Variants in USH2A observed in about 807,000 individuals in gnomAD.
USH2A encodes usherin.
In USH2A, 443 loss-of-function variants were observed where a neutral mutation model predicts 538.9. That is an observed-to-expected ratio of 0.82 (90% CI 0.76 to 0.89). The LOEUF is 0.89. USH2A is among the 40% of genes least tolerant of loss of function. The probability of loss-of-function intolerance (pLI) is 0.00; values close to 1 mark genes in which losing one functional copy is unlikely to be tolerated. For missense variants in USH2A, 6,633 were observed against 6,324.8 expected (o/e 1.05, Z -1.65); for synonymous variants, 2,413 against 2,273.5 (o/e 1.06, Z -1.75).
At chr1:216,261,537 T>C (rs2036372251) in intron 11 of USH2A, among the ~76,000 whole-genome samples, 1 of 146,010 alleles carries the variant, frequency 6.8e-6, no homozygotes, top group Non-Finnish European at 1.5e-5. Context: ...CTAACAATAA[T>C]AATGAGATGA....
chr1:215,794,920 C>A (rs1220920859), intron 50 of USH2A, among the ~76,000 whole-genome samples: 1 of 152,102 alleles, frequency 6.6e-6, no homozygotes, highest in African/African-American at 2.4e-5. Flanking sequence ...TTTGTAACTT[C>A]CAAAAGATTC....
At chr1:215,984,954 T>C (rs1008153177) in intron 35 of USH2A, among the ~76,000 whole-genome samples, 2 of 152,200 alleles carry the variant, frequency 1.3e-5, no homozygotes, top group African/African-American at 4.8e-5. Flanking sequence ...TAATGCCTTA[T>C]TACTGTTATG....
chr1:215,830,693 T>C (rs2102809022), intron 47 of USH2A, among the ~76,000 whole-genome samples: 1 of 152,332 alleles, frequency 6.6e-6, no homozygotes, highest in East Asian at 1.9e-4. Context: ...TGCACATTTA[T>C]GGTTGCCTCA....
intron 4 of USH2A, among the ~76,000 whole-genome samples, chr1:216,347,239 A>G (rs1032879791): frequency 1.3e-5 from 2 of 152,100 alleles, no homozygotes; most frequent in Non-Finnish European, 2.9e-5. Context: ...GAAATTTTAT[A>G]TAGGAAAGGA....
At position 215,844,081 on chromosome 1, in the gene USH2A, G is replaced by A. The variant is rs73090730; in HGVS notation, c.9258+213C>T. ...TTTCATCACCATCCTCATCACCATC[G>A]TTTTCCATATTATCATTATCTTCTC... On this transcript the variant is annotated intron_variant, in intron 46 of 71. Coordinates refer to ENST00000307340, the MANE Select transcript of USH2A (RefSeq NM_206933.4). 3.9e-3 allele frequency among the ~76,000 whole-genome samples: 594 copies of A among 152,116 alleles called. 4 individuals carry two copies. Among genetic ancestry groups the A allele is most frequent in the African/African-American group, 0.013 (550 of 41,496 alleles).
In USH2A at chr1:216,097,070, A is replaced by G. The variant is rs1217475123; in HGVS notation, c.4758+13T>C. 6 of 1,611,414 alleles carry G rather than the reference A, an allele frequency of 3.7e-6. No homozygotes were observed. Among genetic ancestry groups the G allele is most frequent in the Non-Finnish European group, 5.1e-6 (6 of 1,178,456 alleles). On this transcript the variant is annotated intron_variant, in intron 22 of 71. Transcript: ENST00000307340. ...ATTCTTAAAAATATTAAAGTTTATG[A>G]TTTCTCATTTACCTGAGGATCAAAA...
rs1411886115 is a variant in USH2A at position 215,728,156 on chromosome 1, T to C, written c.11940A>G (p.Ser3980=). Residue 3980 remains serine (S), a synonymous_variant, in exon 61 of 72, where the codon TCA becomes TCG. Transcript: ENST00000307340. ...APWAQATSAH[S]VLLNWTKPES... ...CTGGCTTTGTCCAATTCAACAGAAC[T>C]GAATGAGCACTCGTGGCTTGAGCCC... 1.9e-6 allele frequency: 3 copies of C among 1,614,072 alleles called. No homozygotes were observed. In the South Asian group the frequency reaches 3.3e-5, roughly 18 times the overall value.
rs375717246 is a variant in USH2A, at chr1:216,343,284, C to T, written c.785-15630G>A. ...AACAAAGCTTAAAAGACTAGCTGGG[C>T]TTGATGGTTCATGCCTATGCTTTGG... On this transcript the variant is annotated intron_variant, in intron 4 of 71. Coordinates refer to ENST00000307340, the MANE Select transcript of USH2A (RefSeq NM_206933.4). Among the ~76,000 whole-genome samples the T allele has an allele frequency of 1.4e-4, 21 of 148,818 alleles. 1 individual carries two copies. In the East Asian group the frequency reaches 3.6e-3, roughly 26 times the overall value.
At chr1:216,350,922 C>A (rs921339666) in intron 4 of USH2A, among the ~76,000 whole-genome samples, 16 of 152,046 alleles carry the variant, frequency 1.1e-4, no homozygotes, top group African/African-American at 3.9e-4. Context: ...GAGGGTTATG[C>A]CCCTGCAGCA....
chr1:216,236,496 TAG>T (rs1219359904), intron 13 of USH2A, among the ~76,000 whole-genome samples: 2 of 152,192 alleles, frequency 1.3e-5, no homozygotes, highest in Non-Finnish European at 2.9e-5. Flanking sequence ...ATTTACTCAA[TAG>T]ATGTTTATTG....
intron 15 of USH2A, among the ~76,000 whole-genome samples, chr1:216,208,241 C>T (rs535088399): frequency 3.5e-4 from 53 of 152,142 alleles, no homozygotes; most frequent in African/African-American, 1.2e-3. Flanking sequence ...TTTTTAGGGA[C>T]AATCAACCAC....
chr1:215,623,844 A>G lies in USH2A; in HGVS notation c.*1937T>C, dbSNP rs1054583666. On this transcript the variant is annotated 3_prime_UTR_variant, in exon 72 of 72. Transcript: ENST00000307340. The stretch of plus-strand genomic sequence containing the variant: ...TTTTTCAAAAATCAGGATAAACTCA[A>G]TCTTCTGAACCTAGCAAAGCATATT... 1.3e-5 allele frequency: 2 copies of G among 150,566 alleles called. No individual in the cohort carries two copies. Among genetic ancestry groups the G allele is most frequent in the Admixed American group, 7.2e-5 (1 of 13,834 alleles). The allele number at this position is 150,566 out of a possible 1,614,324, so 9.3% of individuals were successfully genotyped here. A position where few individuals can be genotyped will look rare whatever the true frequency, so the allele number is the denominator to read the frequency against.
intron 37 of USH2A, among the ~76,000 whole-genome samples, chr1:215,953,090 G>C (rs369878739): frequency 0.072 from 10,866 of 151,544 alleles, 472 homozygotes; most frequent in Middle Eastern, 0.12. Context: ...GAAGAACATT[G>C]CATGCTCATG....
At chr1:215,978,277 G>C (rs528630179) in intron 35 of USH2A, among the ~76,000 whole-genome samples, 1 of 152,134 alleles carries the variant, frequency 6.6e-6, no homozygotes, top group Non-Finnish European at 1.5e-5. Flanking sequence ...GATTCTTAGA[G>C]GGGCTAACCC....
chr1:216,308,132 AT>A (rs1156884054), intron 9 of USH2A, among the ~76,000 whole-genome samples: 5 of 152,056 alleles, frequency 3.3e-5, no homozygotes, highest in African/African-American at 1.2e-4. Context: ...TATTTGTATG[AT>A]TTTAAAATTT....
chr1:215,966,896 AAT>A (rs1667360601), intron 36 of USH2A, among the ~76,000 whole-genome samples: 1 of 152,324 alleles, frequency 6.6e-6, no homozygotes, highest in South Asian at 2.1e-4. Flanking sequence ...ATTCAAAATA[AAT>A]ATGTTTTGTA....
intron 67 of USH2A, among the ~76,000 whole-genome samples, chr1:215,643,893 G>A (rs1458959672): frequency 6.6e-6 from 1 of 152,012 alleles, no homozygotes. Context: ...AAAAATTCTG[G>A]CAAAAGCTAA....
At chr1:216,120,918 C>T (rs545162090) in intron 21 of USH2A, among the ~76,000 whole-genome samples, 1 of 150,928 alleles carries the variant, frequency 6.6e-6, no homozygotes, top group Non-Finnish European at 1.5e-5. Flanking sequence ...ACAGCAAGAA[C>T]AAGCAAAACT....
chr1:215,985,887 T>C (rs2102470591), intron 35 of USH2A, among the ~76,000 whole-genome samples: 1 of 152,272 alleles, frequency 6.6e-6, no homozygotes, highest in East Asian at 1.9e-4. Context: ...TTCTATTGTC[T>C]TCAAGGTACT....
Sources: allele counts gnomAD v4.1 joint callset (sites outside exome capture counted in the v4.1 genomes callset), GRCh38; gene constraint gnomAD v4.1.1; transcripts MANE v1.5; gene names NCBI Gene and HGNC (gene_info 2026-07-23, HGNC 2026-07-21).